CCNE2: variants seen among roughly 807,000 people sequenced by gnomAD.
CCNE2 encodes G1/S-specific cyclin-E2.
Under a neutral mutation model 56.8 loss-of-function variants are expected in CCNE2, and 18 were observed. The ratio of observed to expected loss-of-function variants is 0.32; its 90% CI spans 0.22 to 0.47. The LOEUF is 0.47. Ranked by LOEUF, CCNE2 falls within the 20% of genes least tolerant of loss-of-function variation. CCNE2 has a pLI of 1.00. For synonymous variants in CCNE2, 139 were observed against 149.2 expected (o/e 0.93, Z 0.50); for missense variants, 371 against 467.1 (o/e 0.79, Z 1.90).
At chr8:94,887,029 A>G (rs776369857) in intron 7 of CCNE2, among the ~76,000 whole-genome samples, 1 of 152,234 alleles carries the variant, frequency 6.6e-6, no homozygotes, top group Non-Finnish European at 1.5e-5. Flanking sequence ...GAAAAAGGAA[A>G]ACACTTAAAA....
At chr8:94,886,394 G>A (rs1174232704) in intron 7 of CCNE2, among the ~76,000 whole-genome samples, 3 of 151,420 alleles carry the variant, frequency 2.0e-5, no homozygotes, top group African/African-American at 7.3e-5. Context: ...GCCTGATATG[G>A]TTAGTCAGAT....
At chr8:94,882,064 C>G in intron 11 of CCNE2, 68 bp downstream of exon 11, 1 of 1,458,782 alleles carries the variant, frequency 6.9e-7, no homozygotes, top group Non-Finnish European at 9.3e-7. Context: ...GTACTCTATT[C>G]CTACCATCAG....
intron 5 of CCNE2, chr8:94,891,949 C>T: frequency 8.8e-7 from 1 of 1,138,054 alleles, no homozygotes; most frequent in Non-Finnish European, 1.3e-6. Context: ...CTACAGAGCT[C>T]ATGGTCGGAT....
chr8:94,887,910 A>C lies in CCNE2; in HGVS notation c.600+17T>G. On this transcript the variant is annotated intron_variant, in intron 7 of 11. Transcript: ENST00000308108. ...TTTGGGATAAATATATCTAAGGATA[A>C]ACTTTTAAGAACTTACCTCAAGTTT... 6.5e-7 allele frequency: 1 copy of C among 1,529,850 alleles called. No individual in the cohort carries two copies. The highest frequency in any genetic ancestry group is 1.3e-5 in the South Asian group (1 of 78,106). The allele number at this position is 1,529,850 out of a possible 1,614,324, so 94.8% of individuals were successfully genotyped here. A position where few individuals can be genotyped will look rare whatever the true frequency, so the allele number is the denominator to read the frequency against.
rs756266274 is a variant in CCNE2 at position 94,882,131 on chromosome 8, C to T, written c.1101+1G>A. The T allele has an allele frequency of 6.3e-7, 1 of 1,595,752 alleles. No individual in the cohort carries two copies. Among genetic ancestry groups the T allele is most frequent in the East Asian group, 2.2e-5 (1 of 44,584 alleles). On this transcript the variant is annotated splice_donor_variant, in intron 11 of 11. Coordinates refer to ENST00000308108, the MANE Select transcript of CCNE2 (RefSeq NM_057749.3). LOFTEE classifies it high-confidence loss of function. Reference sequence around the variant, plus strand: ...GCCAAAAAACTCACAAAAAAACATACCAGCATAGCCAAATAGTTTGTATGT... The same window carrying T: ...GCCAAAAAACTCACAAAAAAACATATCAGCATAGCCAAATAGTTTGTATGT...
chr8:94,885,268 G>GC, intron 8 of CCNE2, 67 bp from the exon 9 acceptor site: 2 of 1,448,258 alleles, frequency 1.4e-6, no homozygotes, highest in Non-Finnish European at 1.9e-6. Context: ...ATACAGCAGA[G>GC]CTTAGAGGTT....
chr8:94,881,775 T>G (rs199691933), intron 11 of CCNE2, 30 bp from the exon 12 acceptor site: 2 of 1,611,096 alleles, frequency 1.2e-6, no homozygotes, highest in Admixed American at 3.4e-5. Context: ...ATGCACTGAT[T>G]TCATAAATCA....
In CCNE2 at chr8:94,890,430, T is replaced by C. The variant is rs1426020716; in HGVS notation, c.438A>G (p.Leu146=). The C allele has an allele frequency of 6.3e-7, 1 of 1,591,332 alleles. No homozygotes were observed. Among genetic ancestry groups the C allele is most frequent in the Admixed American group, 1.8e-5 (1 of 56,850 alleles). Residue 146 remains leucine, a synonymous_variant, in exon 6 of 12, where the codon CTA becomes CTG. Transcript: ENST00000308108. The part of the protein sequence containing the change: ...DLEPQMRSIL[L]DWLLEVCEVY... ...TGTAACATACCTCTAAAAGCCAGTC[T>C]AGAAGTATGGACCTCATCTGTGGTT...
At chr8:94,894,632 G>A in intron 1 of CCNE2, 1 of 188,050 alleles carries the variant, frequency 5.3e-6, no homozygotes, top group East Asian at 1.3e-4. Context: ...GGGAGAGGGG[G>A]TTGTGGAGGC....
intron 5 of CCNE2, 22 bp from the exon 6 acceptor site, chr8:94,890,572 A>G: frequency 8.9e-7 from 1 of 1,120,054 alleles, no homozygotes; most frequent in East Asian, 3.0e-5. Context: ...GAGGAAAAAA[A>G]CCATATATAT....
Position 94,894,195 on chromosome 8 carries a change from CAG to C in CCNE2, c.14+11_14+12del, listed in dbSNP as rs779852030. The stretch of plus-strand genomic sequence containing the variant: ...ACTAATTTGAAACATGTCTCTAAGA[CAG>C]ATAATGTTACCTTCGTCTTGACATT... On this transcript the variant is annotated intron_variant, in intron 2 of 11. Transcript: ENST00000308108. 7 of 1,613,944 alleles carry C rather than the reference CAG, an allele frequency of 4.3e-6. No homozygotes were observed. Among genetic ancestry groups the C allele is most frequent in the Non-Finnish European group, 5.9e-6 (7 of 1,179,928 alleles).
chr8:94,880,334 G>A lies in CCNE2; in HGVS notation c.*1298C>T. ...ATAATACATATGTACACAATTAGTGGTGTTTTCTTTTCAGACAAAATACTG... is the reference window on the plus strand; with the variant it reads ...ATAATACATATGTACACAATTAGTGATGTTTTCTTTTCAGACAAAATACTG... On this transcript the variant is annotated 3_prime_UTR_variant, in exon 12 of 12. Coordinates refer to ENST00000308108, the MANE Select transcript of CCNE2 (RefSeq NM_057749.3). 1.7e-6 allele frequency: 1 copy of A among 605,222 alleles called. No homozygotes were observed. The highest frequency in any genetic ancestry group is 2.9e-6 in the Non-Finnish European group (1 of 348,492). The allele number at this position is 605,222 out of a possible 1,614,324, so 37.5% of individuals were successfully genotyped here.
rs956730602 is a variant in CCNE2, at chr8:94,895,163, C to T, written c.-27+14G>A. ...TTTCCTCCCACATCCCCCCTACGCGCAGCAACTCCTCACCGCCAGACCAGC... is the reference window on the plus strand; with the variant it reads ...TTTCCTCCCACATCCCCCCTACGCGTAGCAACTCCTCACCGCCAGACCAGC... On this transcript the variant is annotated intron_variant, in intron 1 of 11. Coordinates refer to ENST00000308108, the MANE Select transcript of CCNE2 (RefSeq NM_057749.3). 6.1e-6 allele frequency: 6 copies of T among 985,718 alleles called. No homozygotes were observed. The African/African-American group carries it at 1.0e-4, about 17-fold the overall frequency. The allele number at this position is 985,718 out of a possible 1,614,324, so 61.1% of individuals were successfully genotyped here. A position where few individuals can be genotyped will look rare whatever the true frequency, so the allele number is the denominator to read the frequency against.
At chr8:94,882,320 T>A in intron 10 of CCNE2, 31 bp from the exon 11 acceptor site, 2 of 1,545,508 alleles carry the variant, frequency 1.3e-6, no homozygotes, top group Non-Finnish European at 1.8e-6. Context: ...TAGAAAAGCA[T>A]GAAGGTTGTA....
rs370197970 is a variant in CCNE2 at position 94,894,032 on chromosome 8, T to C, written c.102A>G (p.Lys34=). The change falls in exon 3 of 12, where the codon AAA becomes AAG. Residue 34 remains lysine (K), a synonymous_variant. Coordinates refer to ENST00000308108, the MANE Select transcript of CCNE2 (RefSeq NM_057749.3). The stretch of plus-strand genomic sequence containing the variant: ...TTTCTCCTTAAATCACCTGGGTAGT[T>C]TTCCTCTTCTTGGCCTGGATTATCT... ...EAQIIQAKKR[K]TTQDVKKRRE... is the part of the protein sequence containing the mutation. 1.7e-5 allele frequency: 28 copies of C among 1,613,800 alleles called. No homozygotes were observed. Among genetic ancestry groups the C allele is most frequent in the Non-Finnish European group, 2.3e-5 (27 of 1,179,954 alleles).
In CCNE2 at chr8:94,881,772, G is replaced by A. The variant is rs947325129; in HGVS notation, c.1102-27C>T. ...TATACATGGGAAGAAATCATGCACTGATTTCATAAATCAAAGTCAAACCAG... is the reference window on the plus strand; with the variant it reads ...TATACATGGGAAGAAATCATGCACTAATTTCATAAATCAAAGTCAAACCAG... On this transcript the variant is annotated intron_variant, in intron 11 of 11. Coordinates refer to ENST00000308108, the MANE Select transcript of CCNE2 (RefSeq NM_057749.3). 22 of 1,610,574 alleles carry A rather than the reference G, an allele frequency of 1.4e-5. No homozygotes were observed. The Admixed American group carries it at 2.0e-4, about 15-fold the overall frequency.
intron 9 of CCNE2, 94 bp from the exon 10 acceptor site, chr8:94,882,986 C>G: frequency 3.6e-6 from 3 of 835,076 alleles, no homozygotes; most frequent in Non-Finnish European, 3.8e-6. Flanking sequence ...ATAAATAAGC[C>G]ACCACCCGGC....
chr8:94,892,031 C>A, intron 5 of CCNE2: 1 of 780,268 alleles, frequency 1.3e-6, no homozygotes, highest in Non-Finnish European at 2.2e-6. Flanking sequence ...GTTCCTAAAC[C>A]AGAAGAGGCG....
intron 6 of CCNE2, among the ~76,000 whole-genome samples, chr8:94,888,968 G>A (rs1274503479): frequency 6.6e-6 from 1 of 152,166 alleles, no homozygotes; most frequent in Non-Finnish European, 1.5e-5. Flanking sequence ...GGCCAATAGG[G>A]TGAAACCGCA....
Sources: gnomAD v4.1 joint callset for allele counts (sites outside exome capture counted in the v4.1 genomes callset) on GRCh38, gnomAD v4.1.1 for gene constraint, MANE v1.5 for transcripts, NCBI Gene and HGNC (gene_info 2026-07-23, HGNC 2026-07-21) for gene names.